MBNL3: variants seen among roughly 807,000 people sequenced by gnomAD.
The protein encoded by MBNL3 is muscleblind like splicing regulator 3.
A neutral mutation model predicts 24.5 loss-of-function variants in MBNL3; 6 were observed. That is an observed-to-expected ratio of 0.25 (90% confidence interval 0.13 to 0.48). MBNL3 has a LOEUF of 0.48. MBNL3 is among the 20% of genes least tolerant of loss of function. The pLI, the probability that MBNL3 is intolerant of heterozygous loss-of-function variation, is 0.99. For synonymous variants in MBNL3, 100 were observed against 101.7 expected (o/e 0.98, Z 0.10); for missense variants, 230 against 293.5 (o/e 0.78, Z 1.58).
rs1207636984 is a variant in MBNL3 at position 132,370,679 on chromosome X, A to G, written c.*8987T>C. The G allele has an allele frequency of 1.8e-5, 2 of 111,716 alleles. No individual in the cohort carries two copies. Among genetic ancestry groups the G allele is most frequent in the African/African-American group, 6.5e-5 (2 of 30,679 alleles). 9.2% of individuals were successfully genotyped at this position (111,716 alleles called of 1,213,427 possible). A position where few individuals can be genotyped will look rare whatever the true frequency, so the allele number is the denominator to read the frequency against. ...GTAATTTGTCTCTTAGATCTCAACT[A>G]TGAGCAGTTCTCCATAGTCTGAGAA... On this transcript the variant is annotated 3_prime_UTR_variant, in exon 9 of 9. Coordinates refer to ENST00000370853, the MANE Select transcript of MBNL3 (RefSeq NM_001386889.1).
At chrX:132,458,120 T>A (rs765575614) in intron 1 of MBNL3, among the ~76,000 whole-genome samples, 1 of 111,299 alleles carries the variant, frequency 9.0e-6, no homozygotes, top group South Asian at 3.8e-4. Flanking sequence ...CTTCTATAAA[T>A]TTATTCACTA....
At chrX:132,465,666 C>G (rs1030030203) in intron 1 of MBNL3, among the ~76,000 whole-genome samples, 1 of 111,723 alleles carries the variant, frequency 9.0e-6, no homozygotes, top group East Asian at 2.8e-4. Context: ...ATAATTTTCC[C>G]TCCAAATACA....
At chrX:132,474,541 A>T (rs973381755) in intron 1 of MBNL3, among the ~76,000 whole-genome samples, 2 of 111,409 alleles carry the variant, frequency 1.8e-5, no homozygotes, top group South Asian at 3.8e-4. Context: ...AATAAAGAGG[A>T]CCCAAAATTC....
intron 3 of MBNL3, among the ~76,000 whole-genome samples, chrX:132,396,737 CAT>C (rs371059542): frequency 6.8e-3 from 1 of 147 alleles, no homozygotes; most frequent in African/African-American, 0.067. Context: ...TATATATATT[CAT>C]ATATATATAT....
At chrX:132,482,093 T>G (rs1415622268) in intron 1 of MBNL3, among the ~76,000 whole-genome samples, 1 of 112,234 alleles carries the variant, frequency 8.9e-6, no homozygotes, top group African/African-American at 3.2e-5. Context: ...GGTTGGGGAA[T>G]AGCCAAAGGC....
At position 132,396,556 on chromosome X, in the gene MBNL3, C is replaced by A. The variant is rs183356845; in HGVS notation, c.343-4222G>T. Among the ~76,000 whole-genome samples the A allele has an allele frequency of 7.9e-3, 131 of 16,573 alleles. 5 individuals carry two copies. In the East Asian group the frequency reaches 0.11, roughly 14 times the overall value. The allele number at this position is 16,573 out of a possible 115,157, so 14.4% of individuals were successfully genotyped here. A position where few individuals can be genotyped will look rare whatever the true frequency, so the allele number is the denominator to read the frequency against. On this transcript the variant is annotated intron_variant, in intron 3 of 8. Transcript: ENST00000370853. ...TTCATATATATATTCCTATATATTC[C>A]TATATATATTCCTATATATATTCCT...
At chrX:132,454,971 A>AT (rs1946298746) in intron 1 of MBNL3, among the ~76,000 whole-genome samples, 2 of 112,370 alleles carry the variant, frequency 1.8e-5, no homozygotes, top group Admixed American at 9.4e-5. Context: ...CTTCACTGGA[A>AT]ATTGTGGGCC....
chrX:132,478,859 T>C (rs1209615873), intron 1 of MBNL3, among the ~76,000 whole-genome samples: 1 of 112,580 alleles, frequency 8.9e-6, no homozygotes, highest in East Asian at 2.8e-4. Context: ...CCTATATTAA[T>C]TTTGACACCA....
At chrX:132,469,106 A>T (rs2148514055) in intron 1 of MBNL3, among the ~76,000 whole-genome samples, 1 of 112,412 alleles carries the variant, frequency 8.9e-6, no homozygotes, top group East Asian at 2.8e-4. Flanking sequence ...AATATAGAGA[A>T]GAATACCGTG....
At chrX:132,456,295 TTAAG>T (rs1218978857) in intron 1 of MBNL3, among the ~76,000 whole-genome samples, 2 of 112,341 alleles carry the variant, frequency 1.8e-5, no homozygotes, top group Non-Finnish European at 1.9e-5. Context: ...GGGAATTGTA[TTAAG>T]TAAGAATTCT....
At chrX:132,403,942 G>C (rs1009852156) in intron 3 of MBNL3, among the ~76,000 whole-genome samples, 4 of 111,523 alleles carry the variant, frequency 3.6e-5, no homozygotes, top group Non-Finnish European at 5.6e-5. Context: ...GAGAAGCTGA[G>C]AGTAATAATT....
At chrX:132,454,006 C>T (rs761325995) in intron 1 of MBNL3, among the ~76,000 whole-genome samples, 10 of 111,894 alleles carry the variant, frequency 8.9e-5, no homozygotes, top group South Asian at 7.6e-4. Context: ...GCACGAGAAT[C>T]GCTTGAGCCT....
intron 3 of MBNL3, among the ~76,000 whole-genome samples, chrX:132,393,471 T>C (rs1937518638): frequency 2.7e-5 from 3 of 111,518 alleles, no homozygotes; most frequent in Non-Finnish European, 5.7e-5. Context: ...TTTCCTTTAT[T>C]ATCTGTTGCC....
chrX:132,413,186 C>T (rs891442257), intron 2 of MBNL3, among the ~76,000 whole-genome samples: 5 of 111,683 alleles, frequency 4.5e-5, no homozygotes, highest in Admixed American at 2.8e-4. Context: ...ACCCCATCCA[C>T]TCACTTGCCA....
In MBNL3 at chrX:132,488,975, A is replaced by G. The variant is rs747981371; in HGVS notation, c.-828T>C. ...GCAGAAGCAAAAGCAGCGCTGCGCGAGGTGGCCCCGGTGCCGGGAGAGCCT... is the reference window on the plus strand; with the variant it reads ...GCAGAAGCAAAAGCAGCGCTGCGCGGGGTGGCCCCGGTGCCGGGAGAGCCT... On this transcript the variant is annotated 5_prime_UTR_variant, in exon 1 of 9. Transcript: ENST00000370853. 8.8e-6 allele frequency: 1 copy of G among 113,433 alleles called. No individual in the cohort carries two copies. The highest frequency in any genetic ancestry group is 1.9e-5 in the Non-Finnish European group (1 of 53,447). The allele number at this position is 113,433 out of a possible 1,213,427, so 9.3% of individuals were successfully genotyped here.
Position 132,406,397 on chromosome X carries a change from C to T in MBNL3, c.178-5G>A, listed in dbSNP as rs762005256. 2 of 1,176,958 alleles carry T rather than the reference C, an allele frequency of 1.7e-6. No individual in the cohort carries two copies. Among genetic ancestry groups the T allele is most frequent in the Admixed American group, 4.9e-5 (2 of 40,899 alleles). ...GTTCTCTCGGGTACACCGACCCTGA[C>T]AATGAAGAATAGGGAAAATATTAAA... On this transcript the variant is annotated splice_polypyrimidine_tract_variant and splice_region_variant and intron_variant, in intron 2 of 8. Coordinates refer to ENST00000370853, the MANE Select transcript of MBNL3 (RefSeq NM_001386889.1).
intron 2 of MBNL3, among the ~76,000 whole-genome samples, chrX:132,420,751 T>C (rs1166797584): frequency 9.0e-6 from 1 of 111,068 alleles, no homozygotes; most frequent in Admixed American, 9.5e-5. Context: ...TCTCTCACCA[T>C]GATCTTGCCA....
At chrX:132,420,190 T>C (rs1382809876) in intron 2 of MBNL3, among the ~76,000 whole-genome samples, 1 of 111,931 alleles carries the variant, frequency 8.9e-6, no homozygotes, top group African/African-American at 3.2e-5. Flanking sequence ...GCAACTAGTG[T>C]TCAGCTCGAT....
At chrX:132,480,656 G>A (rs865959599) in intron 1 of MBNL3, among the ~76,000 whole-genome samples, 2 of 111,812 alleles carry the variant, frequency 1.8e-5, no homozygotes, top group Middle Eastern at 4.6e-3. Context: ...TGGTGCTCTG[G>A]GCTCTTCAAA....
Sources: gnomAD v4.1 joint callset for allele counts (sites outside exome capture counted in the v4.1 genomes callset) on GRCh38, gnomAD v4.1.1 for gene constraint, MANE v1.5 for transcripts, NCBI Gene and HGNC (gene_info 2026-07-23, HGNC 2026-07-21) for gene names.